Variants in ZCCHC10 observed in about 807,000 individuals in gnomAD.
ZCCHC10 encodes the protein zinc finger CCHC-type containing 10.
Under a neutral mutation model 19.5 loss-of-function variants are expected in ZCCHC10, and 16 were observed. The ratio of observed to expected loss-of-function variants is 0.82; its 90% CI spans 0.56 to 1.25. The LOEUF is 1.25. Among genes scored for constraint, ZCCHC10 ranks in the 50% most tolerant of loss-of-function variants. The pLI, the probability that ZCCHC10 is intolerant of heterozygous loss-of-function variation, is 0.00. For missense variants in ZCCHC10, 197 were observed against 201.0 expected (o/e 0.98, Z 0.12); for synonymous variants, 67 against 72.5 (o/e 0.92, Z 0.38).
rs942870277 is a variant in ZCCHC10 at position 132,998,811 on chromosome 5, G to A, written c.351C>T (p.Asp117=). Reference sequence around the variant, plus strand: ...CTGATGAAGAATCACTGGCAGAACTGTCACTGCTACTGCTACTGGAACTGG... The same window carrying A: ...CTGATGAAGAATCACTGGCAGAACTATCACTGCTACTGCTACTGGAACTGG... ...SVTSSSSSSS[D]SSASDSSSES... The change falls in exon 5 of 5, where the codon GAC becomes GAT. Residue 117 remains aspartate (D), a synonymous_variant. Transcript: ENST00000509437. The A allele has an allele frequency of 1.9e-6, 3 of 1,614,134 alleles. No individual in the cohort carries two copies. Among genetic ancestry groups the A allele is most frequent in the African/African-American group, 2.7e-5 (2 of 75,030 alleles).
intron 2 of ZCCHC10, among the ~76,000 whole-genome samples, chr5:133,012,634 G>A (rs975940433): frequency 2.6e-5 from 4 of 152,074 alleles, no homozygotes; most frequent in South Asian, 2.1e-4. Flanking sequence ...GGGACTAGGG[G>A]CCGGTCACAG....
In ZCCHC10 at chr5:132,998,598, C is replaced by T; in HGVS notation, c.564G>A (p.Lys188=). The T allele has an allele frequency of 6.2e-7, 1 of 1,613,446 alleles. No individual in the cohort carries two copies. The highest frequency in any genetic ancestry group is 8.5e-7 in the Non-Finnish European group (1 of 1,179,918). The change falls in exon 5 of 5, where the codon AAG becomes AAA. Residue 188 remains lysine, a synonymous_variant. Coordinates refer to ENST00000509437, the MANE Select transcript of ZCCHC10 (RefSeq NM_001300816.3). Reference sequence around the variant, plus strand: ...TGGAGCAACTCTATTTCTTTTTCTTCTTCTTTGGTGGTTCATCGTCAGAGC... The same window carrying T: ...TGGAGCAACTCTATTTCTTTTTCTTTTTCTTTGGTGGTTCATCGTCAGAGC... ...DSSSDDEPPK[K]KKKK
In ZCCHC10 at chr5:132,998,371, TA is replaced by T. The variant is rs372819005; in HGVS notation, c.*211del. 294 of 475,230 alleles carry T rather than the reference TA, an allele frequency of 6.2e-4. 1 individual carries two copies. The East Asian group carries it at 9.6e-3, about 16-fold the overall frequency. 29.4% of individuals were successfully genotyped at this position (475,230 alleles called of 1,614,324 possible). A position where few individuals can be genotyped will look rare whatever the true frequency, so the allele number is the denominator to read the frequency against. On this transcript the variant is annotated 3_prime_UTR_variant, in exon 5 of 5. Transcript: ENST00000509437. ...AAGTTCTAGAGATATATTTTAAAGA[TA>T]AAAAAAACAAGATTCACCCTTCAAA...
chr5:133,000,694 G>A (rs1269498249), intron 3 of ZCCHC10, among the ~76,000 whole-genome samples: 1 of 149,592 alleles, frequency 6.7e-6, no homozygotes, highest in Non-Finnish European at 1.5e-5. Context: ...GTCCAGGCTG[G>A]TGCAGTGGCG....
intron 2 of ZCCHC10, among the ~76,000 whole-genome samples, chr5:133,017,238 T>G (rs770033319): frequency 2.0e-5 from 3 of 152,138 alleles, no homozygotes; most frequent in Non-Finnish European, 4.4e-5. Flanking sequence ...GACCCCACAT[T>G]CAGCTCTAAT....
intron 2 of ZCCHC10, among the ~76,000 whole-genome samples, chr5:133,010,302 G>A (rs1033495135): frequency 6.6e-6 from 1 of 152,070 alleles, no homozygotes; most frequent in Non-Finnish European, 1.5e-5. Flanking sequence ...ACTTGCCTCA[G>A]CCTCACAAAG....
intron 2 of ZCCHC10, among the ~76,000 whole-genome samples, chr5:133,016,411 A>C (rs1254265062): frequency 6.6e-6 from 1 of 152,202 alleles, no homozygotes; most frequent in Non-Finnish European, 1.5e-5. Context: ...GATCTTAGCC[A>C]AAAAGCTGAG....
chr5:133,005,514 T>G (rs913446603), intron 3 of ZCCHC10, among the ~76,000 whole-genome samples: 9 of 152,008 alleles, frequency 5.9e-5, no homozygotes, highest in African/African-American at 2.2e-4. Context: ...CTGGGGAGGC[T>G]GAGGTGGGAG....
intron 1 of ZCCHC10, among the ~76,000 whole-genome samples, chr5:133,026,222 CAACTGTGGGCGTTCCTTTCAGAGA>C (rs1205868856): frequency 6.6e-6 from 1 of 152,190 alleles, no homozygotes; most frequent in African/African-American, 2.4e-5. Flanking sequence ...ACTGAGTGAC[CAACTGTGGGCGTTCCTTTCAGAGA>C]AACCAAACGC....
In ZCCHC10 at chr5:133,007,925, CTTT is replaced by C. The variant is rs771044156; in HGVS notation, c.108-1008_108-1006del. ...CCGTCAAAACATTTTTAACAAGCTT[CTTT>C]AAGAATCGGAAAATCAGCCAGGTGT... On this transcript the variant is annotated intron_variant, in intron 2 of 4. Coordinates refer to ENST00000509437, the MANE Select transcript of ZCCHC10 (RefSeq NM_001300816.3). 7.9e-5 allele frequency among the ~76,000 whole-genome samples: 12 copies of C among 152,124 alleles called. No homozygotes were observed. In the South Asian group the frequency reaches 8.3e-4, roughly 11 times the overall value.
intron 2 of ZCCHC10, among the ~76,000 whole-genome samples, chr5:133,009,345 C>T (rs1043752584): frequency 4.6e-5 from 7 of 151,694 alleles, no homozygotes; most frequent in Non-Finnish European, 1.0e-4. Context: ...TGGCCAGGTG[C>T]GGTGGCTCAT....
intron 2 of ZCCHC10, chr5:133,019,121 C>T (rs1360627139): frequency 6.7e-6 from 3 of 448,526 alleles, no homozygotes; most frequent in Admixed American, 2.4e-5. Context: ...CAGTGGCTCA[C>T]GCCTATAATC....
chr5:133,024,236 G>C (rs774445573), intron 1 of ZCCHC10, among the ~76,000 whole-genome samples: 1 of 152,168 alleles, frequency 6.6e-6, no homozygotes, highest in Non-Finnish European at 1.5e-5. Context: ...CATTGGTTTT[G>C]CCAATCCTGC....
At chr5:133,018,144 CAAAAA>C (rs10602241) in intron 2 of ZCCHC10, among the ~76,000 whole-genome samples, 1 of 96,354 alleles carries the variant, frequency 1.0e-5, no homozygotes. Flanking sequence ...GAATCTGTCT[CAAAAA>C]AAAAAAAAAA....
At position 133,025,361 on chromosome 5, in the gene ZCCHC10, G is replaced by A. The variant is rs962800344; in HGVS notation, c.41+1136C>T. Among the ~76,000 whole-genome samples the A allele has an allele frequency of 7.2e-5, 11 of 151,874 alleles. No homozygotes were observed. In the South Asian group the frequency reaches 8.3e-4, roughly 11 times the overall value. On this transcript the variant is annotated intron_variant, in intron 1 of 4. Coordinates refer to ENST00000509437, the MANE Select transcript of ZCCHC10 (RefSeq NM_001300816.3). ...CTACTAAAAATACAAAAAACCAGCC[G>A]GGCATGGTGGCGGGCGCCTGTAGTC...
intron 3 of ZCCHC10, among the ~76,000 whole-genome samples, chr5:133,003,780 A>AGCTCCCTGCAACTTCTGCCTCCT: frequency 6.6e-6 from 1 of 152,318 alleles, no homozygotes; most frequent in Non-Finnish European, 1.5e-5. Context: ...GTGTGATTTC[A>AGCTCCCTGCAACTTCTGCCTCCT]GCTCCCTGCA....
At chr5:132,999,214 C>T (rs781193651) in intron 4 of ZCCHC10, among the ~76,000 whole-genome samples, 12 of 152,124 alleles carry the variant, frequency 7.9e-5, no homozygotes, top group African/African-American at 9.7e-5. Flanking sequence ...TGAGCCACCG[C>T]GCCCAGCCAA....
chr5:133,007,776 A>G (rs189114429), intron 2 of ZCCHC10, among the ~76,000 whole-genome samples: 151 of 152,240 alleles, frequency 9.9e-4, no homozygotes, highest in African/African-American at 3.5e-3. Context: ...CATATAATAA[A>G]TGGTTAAAAG....
intron 2 of ZCCHC10, among the ~76,000 whole-genome samples, chr5:133,018,067 AC>A (rs1442379365): frequency 1.3e-5 from 2 of 150,984 alleles, no homozygotes; most frequent in African/African-American, 2.4e-5. Context: ...ATTGCTTGAA[AC>A]CAGGAGGCGG....
Sources: gnomAD v4.1 joint callset for allele counts (sites outside exome capture counted in the v4.1 genomes callset) on GRCh38, gnomAD v4.1.1 for gene constraint, MANE v1.5 for transcripts, NCBI Gene and HGNC (gene_info 2026-07-23, HGNC 2026-07-21) for gene names.